Variants in TBC1D32 observed in about 807,000 individuals in gnomAD.
The protein encoded by TBC1D32 is protein broad-minded.
Under a neutral mutation model 170.3 loss-of-function variants are expected in TBC1D32, and 151 were observed. The ratio of observed to expected loss-of-function variants is 0.89; its 90% confidence interval spans 0.78 to 1.01. The LOEUF (loss-of-function observed/expected upper bound fraction) is 1.01, where lower values mean the gene tolerates loss of function less well. Ranked by LOEUF, TBC1D32 falls within the 50% of genes least tolerant of loss-of-function variation. The pLI is 0.00. For missense variants in TBC1D32, 1,464 were observed against 1,457.1 expected, an observed-to-expected ratio of 1.00 and a Z score of -0.08; for synonymous variants, 498 against 488.0, an observed-to-expected ratio of 1.02 and a Z score of -0.27.
chr6:121,186,756 A>G lies in TBC1D32; in HGVS notation c.2570+18319T>C, dbSNP rs183099054. Among the ~76,000 whole-genome samples, 22 of 152,210 alleles carry G rather than the reference A, an allele frequency of 1.4e-4. No individual in the cohort carries two copies. The Middle Eastern group carries it at 0.01, about 71-fold the overall frequency. On this transcript the variant is annotated intron_variant, in intron 22 of 31. Transcript: ENST00000398212. ...GACTAGAACTAAAGTAACAAAGAAGAAATACCACCAAATAAATACTGATGG... is the reference window on the plus strand; with the variant it reads ...GACTAGAACTAAAGTAACAAAGAAGGAATACCACCAAATAAATACTGATGG...
chr6:121,317,928 G>A (rs563219135), intron 2 of TBC1D32, among the ~76,000 whole-genome samples: 38 of 152,190 alleles, frequency 2.5e-4, no homozygotes, highest in Non-Finnish European at 4.3e-4. Context: ...GATCAAGGTA[G>A]TAAAATTAAA....
intron 24 of TBC1D32, among the ~76,000 whole-genome samples, chr6:121,159,317 C>T (rs1785307139): frequency 6.6e-6 from 1 of 152,148 alleles, no homozygotes; most frequent in Non-Finnish European, 1.5e-5. Context: ...GTTGAGTATA[C>T]AAGACCTGTG....
At chr6:121,126,581 G>A in intron 25 of TBC1D32, 120 bp from the exon 26 acceptor site, 1 of 637,034 alleles carries the variant, frequency 1.6e-6, no homozygotes, top group Non-Finnish European at 2.7e-6. Context: ...CACTCTAAGG[G>A]AGTTCAATTC....
At chr6:121,175,817 C>T (rs930400100) in intron 22 of TBC1D32, among the ~76,000 whole-genome samples, 4 of 152,106 alleles carry the variant, frequency 2.6e-5, no homozygotes, top group African/African-American at 7.2e-5. Flanking sequence ...TTTTTAACAT[C>T]GTTCTAGAAA....
At position 121,321,644 on chromosome 6, in the gene TBC1D32, T is replaced by C. The variant is rs10499110; in HGVS notation, c.306A>G (p.Gln102=). The C allele has an allele frequency of 0.026, 41,723 of 1,612,726 alleles. 1,876 individuals are homozygous for C. The highest frequency in any genetic ancestry group is 0.15 in the Admixed American group (8,723 of 59,786). ...TVVQQVTKRT[Q]ESKEYKEMMH... ...ATGGCCATACTCACTCTTTAGATTC[T>C]TGAGTTCTTTTAGTGACCTGCTGTA... is the stretch of plus-strand genomic sequence containing the variant. The change falls in exon 2 of 32, where the codon CAA becomes CAG. Residue 102 remains glutamine, a synonymous_variant. Coordinates refer to ENST00000398212, the MANE Select transcript of TBC1D32 (RefSeq NM_152730.6).
At chr6:121,276,416 AAG>A (rs1460381251) in intron 15 of TBC1D32, among the ~76,000 whole-genome samples, 5 of 152,124 alleles carry the variant, frequency 3.3e-5, no homozygotes, top group African/African-American at 1.2e-4. Context: ...AACCATTAAA[AAG>A]AGTGACAAAA....
At chr6:121,288,255 A>G (rs192703544) in intron 12 of TBC1D32, among the ~76,000 whole-genome samples, 4,980 of 151,932 alleles carry the variant, frequency 0.033, 193 homozygotes, top group East Asian at 0.12. Context: ...TAAACTGCTA[A>G]CAAGACTAAT....
chr6:121,213,304 C>T (rs1793325077), intron 21 of TBC1D32, among the ~76,000 whole-genome samples: 1 of 151,848 alleles, frequency 6.6e-6, no homozygotes, highest in African/African-American at 2.4e-5. Context: ...GAGAACCCCA[C>T]AGTCTTGGTC....
chr6:121,157,123 T>C (rs1785001582), intron 24 of TBC1D32, among the ~76,000 whole-genome samples: 1 of 152,132 alleles, frequency 6.6e-6, no homozygotes, highest in Non-Finnish European at 1.5e-5. Context: ...AGTCCATCAC[T>C]ATAATTTAGG....
At chr6:121,130,889 T>A (rs1467011248) in intron 25 of TBC1D32, among the ~76,000 whole-genome samples, 1 of 152,148 alleles carries the variant, frequency 6.6e-6, no homozygotes, top group Non-Finnish European at 1.5e-5. Flanking sequence ...GCTCACTTTA[T>A]ACTCAAACTT....
intron 30 of TBC1D32, among the ~76,000 whole-genome samples, chr6:121,092,637 G>T (rs1475389784): frequency 6.6e-6 from 1 of 151,952 alleles, no homozygotes; most frequent in Non-Finnish European, 1.5e-5. Context: ...TATTGGCAGG[G>T]CTGGTTTCTT....
intron 22 of TBC1D32, among the ~76,000 whole-genome samples, chr6:121,162,770 G>A (rs1269010562): frequency 1.1e-4 from 16 of 142,186 alleles, no homozygotes; most frequent in Admixed American, 8.0e-4. Context: ...CAGCGTGAGC[G>A]ACGCAGAAAA....
chr6:121,101,197 A>C (rs1339091935), intron 30 of TBC1D32, among the ~76,000 whole-genome samples: 5 of 152,174 alleles, frequency 3.3e-5, no homozygotes, highest in Non-Finnish European at 5.9e-5. Flanking sequence ...AAACTATTCC[A>C]ATTAATAGAA....
At chr6:121,082,455 A>G (rs1301767152) in intron 31 of TBC1D32, among the ~76,000 whole-genome samples, 1 of 151,972 alleles carries the variant, frequency 6.6e-6, no homozygotes, top group East Asian at 1.9e-4. Flanking sequence ...ACGTGGCTTT[A>G]ACTACCTCTT....
chr6:121,160,331 A>G (rs1216719669), intron 23 of TBC1D32, among the ~76,000 whole-genome samples: 1 of 152,174 alleles, frequency 6.6e-6, no homozygotes. Flanking sequence ...GAGGACAAAC[A>G]TATGGTAACT....
intron 24 of TBC1D32, among the ~76,000 whole-genome samples, chr6:121,158,070 T>C (rs1371017577): frequency 2.0e-5 from 3 of 152,166 alleles, no homozygotes; most frequent in Admixed American, 1.3e-4. Context: ...TGGGAAAATT[T>C]TGATGGACTT....
rs1385144221 is a variant in TBC1D32 at position 121,085,289 on chromosome 6, A to G, written c.3655-4399T>C. Among the ~76,000 whole-genome samples, 10 of 140,986 alleles carry G rather than the reference A, an allele frequency of 7.1e-5. No individual in the cohort carries two copies. The East Asian group carries it at 8.1e-4, about 11-fold the overall frequency. 92.5% of individuals were successfully genotyped at this position (140,986 alleles called of 152,430 possible). On this transcript the variant is annotated intron_variant, in intron 31 of 31. Transcript: ENST00000398212. ...TATACATATATACGTATATATATAC[A>G]TATATACATACATATATATACATAT...
At chr6:121,160,153 T>A in intron 23 of TBC1D32, 50 bp from the exon 24 acceptor site, 1 of 1,184,904 alleles carries the variant, frequency 8.4e-7, no homozygotes, top group Non-Finnish European at 1.2e-6. Context: ...TAAAATAATA[T>A]TGAATTTTAA....
chr6:121,122,987 G>T (rs897669597), intron 26 of TBC1D32, among the ~76,000 whole-genome samples: 2 of 152,060 alleles, frequency 1.3e-5, no homozygotes, highest in African/African-American at 2.4e-5. Flanking sequence ...GCAGAGGAAT[G>T]AGTGGGTTAG....
Sources: allele counts gnomAD v4.1 joint callset (sites outside exome capture counted in the v4.1 genomes callset), GRCh38; gene constraint gnomAD v4.1.1; transcripts MANE v1.5; gene names NCBI Gene and HGNC (gene_info 2026-07-23, HGNC 2026-07-21).